The following FSTL5 variants were observed in gnomAD, a reference collection of about 807,000 sequenced individuals.
FSTL5 encodes the protein follistatin-related protein 5.
In FSTL5, 62 loss-of-function variants were observed where a neutral mutation model predicts 89.1. The ratio of observed to expected loss-of-function variants is 0.70; its 90% CI spans 0.57 to 0.86. The LOEUF (loss-of-function observed/expected upper bound fraction) is 0.86, where lower values mean the gene tolerates loss of function less well. Ranked by LOEUF, FSTL5 falls within the 40% of genes least tolerant of loss-of-function variation. The probability of loss-of-function intolerance (pLI) is 0.00; values close to 1 mark genes in which losing one functional copy is unlikely to be tolerated. For missense variants in FSTL5, 1,057 were observed against 1,001.6 expected (o/e 1.06, Z -0.75); for synonymous variants, 383 against 346.2 (o/e 1.11, Z -1.18).
chr4:161,735,118 C>A (rs1739766171), intron 6 of FSTL5, among the ~76,000 whole-genome samples: 1 of 152,162 alleles, frequency 6.6e-6, no homozygotes, highest in African/African-American at 2.4e-5. Flanking sequence ...GTTCCCATAA[C>A]CTTCTTCTAG....
chr4:161,959,599 T>C (rs1318973529), intron 3 of FSTL5, among the ~76,000 whole-genome samples: 2 of 152,128 alleles, frequency 1.3e-5, no homozygotes, highest in African/African-American at 2.4e-5. Flanking sequence ...TATATTTTAA[T>C]AATATAAGCA....
At chr4:161,958,196 T>A (rs1182650285) in intron 3 of FSTL5, among the ~76,000 whole-genome samples, 2 of 152,062 alleles carry the variant, frequency 1.3e-5, no homozygotes, top group Non-Finnish European at 2.9e-5. Flanking sequence ...TAGTTATATC[T>A]TCTATATTTC....
intron 6 of FSTL5, among the ~76,000 whole-genome samples, chr4:161,687,702 C>G (rs1477159363): frequency 6.6e-6 from 1 of 152,174 alleles, no homozygotes; most frequent in Admixed American, 6.5e-5. Flanking sequence ...CTCTCTCTAC[C>G]TTGGGCTTCC....
chr4:161,742,704 C>T (rs778888040), intron 6 of FSTL5, among the ~76,000 whole-genome samples: 1 of 152,118 alleles, frequency 6.6e-6, no homozygotes, highest in Non-Finnish European at 1.5e-5. Flanking sequence ...ATAAGATTCA[C>T]AACTTTTCAA....
intron 4 of FSTL5, among the ~76,000 whole-genome samples, chr4:161,798,609 T>C (rs569609122): frequency 6.6e-6 from 1 of 151,730 alleles, no homozygotes; most frequent in Admixed American, 6.6e-5. Context: ...ATCAAAACTT[T>C]ATCAATCACA....
At chr4:161,745,735 T>C (rs1159035845) in intron 6 of FSTL5, among the ~76,000 whole-genome samples, 1 of 152,052 alleles carries the variant, frequency 6.6e-6, no homozygotes, top group African/African-American at 2.4e-5. Context: ...CCATTTTATA[T>C]ATCCTAGCAA....
rs1356846742 is a variant in FSTL5 at position 161,538,178 on chromosome 4, CAG to C, written c.1298_1299del (p.Ser433CysfsTer2). On this transcript the variant is annotated frameshift_variant, in exon 10 of 16. Transcript: ENST00000306100. LOFTEE classifies it high-confidence loss of function. ...GTTCTATACATACGGGTCTTTCTAG[CAG>C]AGTCTTCCACAAAAAGAGAAGAGAT... is the stretch of plus-strand genomic sequence containing the variant. ...EDISSLFVED[S>X]ARKTLANILW... is the part of the protein sequence containing the mutation. The C allele has an allele frequency of 1.2e-6, 2 of 1,613,926 alleles. No homozygotes were observed. Among genetic ancestry groups the C allele is most frequent in the Non-Finnish European group, 8.5e-7 (1 of 1,179,906 alleles).
At chr4:161,578,884 ATAT>A (rs1291755747) in intron 8 of FSTL5, among the ~76,000 whole-genome samples, 1 of 152,132 alleles carries the variant, frequency 6.6e-6, no homozygotes, top group Non-Finnish European at 1.5e-5. Context: ...TCCAACAGAA[ATAT>A]TATTTAATTT....
chr4:161,686,305 C>CATATATATAT (rs60120837), intron 6 of FSTL5, among the ~76,000 whole-genome samples: 2 of 25,974 alleles, frequency 7.7e-5, no homozygotes, highest in African/African-American at 2.7e-4. Flanking sequence ...TCTCCTTTGC[C>CATATATATAT]ATATATATAT....
intron 8 of FSTL5, among the ~76,000 whole-genome samples, chr4:161,585,816 T>G (rs1733594863): frequency 6.6e-6 from 1 of 152,128 alleles, no homozygotes; most frequent in Non-Finnish European, 1.5e-5. Flanking sequence ...TCCTACCCTC[T>G]CAAGATTGTG....
chr4:161,569,531 C>T (rs1285522322), intron 8 of FSTL5, among the ~76,000 whole-genome samples: 1 of 152,100 alleles, frequency 6.6e-6, no homozygotes, highest in African/African-American at 2.4e-5. Context: ...ATTTCTGTTC[C>T]TCCACTGTCT....
At chr4:161,834,376 C>T (rs1308819747) in intron 4 of FSTL5, among the ~76,000 whole-genome samples, 1 of 152,118 alleles carries the variant, frequency 6.6e-6, no homozygotes, top group African/African-American at 2.4e-5. Flanking sequence ...GAAGCATTCC[C>T]TTTGAAAACT....
intron 6 of FSTL5, among the ~76,000 whole-genome samples, chr4:161,725,299 C>T (rs1357307819): frequency 2.0e-5 from 3 of 152,130 alleles, no homozygotes; most frequent in South Asian, 2.1e-4. Flanking sequence ...CTCTTCAATA[C>T]CATTCACTCT....
chr4:161,600,488 T>A (rs1000048321), intron 7 of FSTL5, among the ~76,000 whole-genome samples: 3 of 152,010 alleles, frequency 2.0e-5, no homozygotes, highest in African/African-American at 7.3e-5. Context: ...GTTTGTATAA[T>A]ACTGAAATGC....
At chr4:161,643,916 T>A (rs17403468) in intron 7 of FSTL5, among the ~76,000 whole-genome samples, 22,264 of 152,216 alleles carry the variant, frequency 0.15, 1,878 homozygotes, top group Middle Eastern at 0.3. Context: ...CACCATTACG[T>A]GACTTGTTAT....
intron 13 of FSTL5, among the ~76,000 whole-genome samples, chr4:161,474,111 T>C (rs1734042394): frequency 1.3e-5 from 2 of 152,158 alleles, no homozygotes; most frequent in Non-Finnish European, 2.9e-5. Flanking sequence ...CTTTTGTCTA[T>C]ATTCTGCAGC....
intron 12 of FSTL5, among the ~76,000 whole-genome samples, chr4:161,481,765 A>G: frequency 6.6e-6 from 1 of 152,266 alleles, no homozygotes; most frequent in Non-Finnish European, 1.5e-5. Context: ...CTGCTTCCTT[A>G]CCTTAGAACT....
At chr4:161,455,604 T>C (rs1179152176) in intron 14 of FSTL5, among the ~76,000 whole-genome samples, 1 of 152,186 alleles carries the variant, frequency 6.6e-6, no homozygotes, top group Non-Finnish European at 1.5e-5. Flanking sequence ...AACGTTTTCC[T>C]CCTATCATTG....
At chr4:161,396,910 C>T (rs1731024066) in intron 15 of FSTL5, among the ~76,000 whole-genome samples, 4 of 151,916 alleles carry the variant, frequency 2.6e-5, no homozygotes, top group South Asian at 2.1e-4. Context: ...GGATCTTGTC[C>T]ATATAAATAA....
Sources: gnomAD v4.1 joint callset for allele counts (sites outside exome capture counted in the v4.1 genomes callset) on GRCh38, gnomAD v4.1.1 for gene constraint, MANE v1.5 for transcripts, NCBI Gene and HGNC (gene_info 2026-07-23, HGNC 2026-07-21) for gene names.